The following BLNK variants were observed in gnomAD, a reference collection of about 807,000 sequenced individuals.
BLNK encodes the protein B-cell linker protein.
Under a neutral mutation model 73.5 loss-of-function variants are expected in BLNK, and 29 were observed. That is an observed-to-expected ratio of 0.39 (90% CI 0.29 to 0.54). The LOEUF (loss-of-function observed/expected upper bound fraction) is 0.54, where lower values mean the gene tolerates loss of function less well. Among genes scored for constraint, BLNK ranks in the 20% least tolerant of loss-of-function variants. The probability of loss-of-function intolerance (pLI) is 0.61; values close to 1 mark genes in which losing one functional copy is unlikely to be tolerated. For synonymous variants in BLNK, 176 were observed against 200.8 expected (o/e 0.88, Z 1.04); for missense variants, 460 against 562.8 (o/e 0.82, Z 1.85).
Position 96,242,761 on chromosome 10 carries a change from C to G in BLNK, c.137G>C (p.Ser46Thr). Reference sequence around the variant, plus strand: ...TGAAGCGTAGTCCCTTCGAGGAACACTTGGAGGTGCTTTGACTTTTAGCCT... The same window carrying G: ...TGAAGCGTAGTCCCTTCGAGGAACAGTTGGAGGTGCTTTGACTTTTAGCCT... The part of the protein sequence containing the change: ...IKKLKVKAPP[S>T]VPRRDYASES... Residue 46 changes from serine to threonine, a missense_variant, in exon 3 of 17, where the codon AGT becomes ACT. This residue lies in a region of BLNK where 139 missense variants were observed against 187.3 expected (regional missense o/e 0.74). Coordinates refer to ENST00000224337, the MANE Select transcript of BLNK (RefSeq NM_013314.4). The G allele has an allele frequency of 6.2e-7, 1 of 1,614,106 alleles. No homozygotes were observed. The highest frequency in any genetic ancestry group is 8.5e-7 in the Non-Finnish European group (1 of 1,179,970).
intron 1 of BLNK, among the ~76,000 whole-genome samples, chr10:96,247,776 C>T (rs372617302): frequency 6.6e-6 from 1 of 152,094 alleles, no homozygotes; most frequent in Non-Finnish European, 1.5e-5. Context: ...TAACTTTGTA[C>T]CTTAACTTCA....
At chr10:96,222,623 G>C (rs2084224197) in intron 6 of BLNK, among the ~76,000 whole-genome samples, 1 of 152,206 alleles carries the variant, frequency 6.6e-6, no homozygotes, top group African/African-American at 2.4e-5. Context: ...CTGGACACCT[G>C]CTGGGGCAGG....
intron 11 of BLNK, among the ~76,000 whole-genome samples, chr10:96,205,691 A>G (rs1336556738): frequency 6.6e-6 from 1 of 152,202 alleles, no homozygotes; most frequent in Non-Finnish European, 1.5e-5. Flanking sequence ...AGGCTAGTAG[A>G]GGCCACTCAC....
At position 96,190,742 on chromosome 10, in the gene BLNK, C is replaced by T. The variant is rs1328684027; in HGVS notation, c.*1231G>A. On this transcript the variant is annotated 3_prime_UTR_variant, in exon 17 of 17. Transcript: ENST00000224337. Reference sequence around the variant, plus strand: ...AGCTGCTTTATCACTTCACTGCTGTCTGAAGTACACAGTAGAAATATATGA... The same window carrying T: ...AGCTGCTTTATCACTTCACTGCTGTTTGAAGTACACAGTAGAAATATATGA... Among the ~76,000 whole-genome samples, 1 of 152,148 alleles carries T rather than the reference C, an allele frequency of 6.6e-6. No individual in the cohort carries two copies. Among genetic ancestry groups the T allele is most frequent in the African/African-American group, 2.4e-5 (1 of 41,444 alleles).
chr10:96,227,513 C>T lies in BLNK; in HGVS notation c.258G>A (p.Met86Ile), dbSNP rs1554902813. ...TGTCATCAGCGTTCTCCTCGGCGGG[C>T]ATCACGTACATCTCTGAGTCCGAGT... The part of the protein sequence containing the change: ...DEHSDSEMYV[M>I]PAEENADDSY... Residue 86 changes from methionine to isoleucine, a missense_variant, in exon 5 of 17, where the codon ATG (methionine) becomes ATA (isoleucine). Transcript: ENST00000224337. 1.2e-6 allele frequency: 2 copies of T among 1,614,232 alleles called. No homozygotes were observed. Among genetic ancestry groups the T allele is most frequent in the East Asian group, 2.2e-5 (1 of 44,892 alleles).
chr10:96,213,818 G>C (rs1350810422), intron 8 of BLNK, among the ~76,000 whole-genome samples: 1 of 152,140 alleles, frequency 6.6e-6, no homozygotes, highest in Admixed American at 6.5e-5. Flanking sequence ...ATTTCTGCTG[G>C]GGCCTAAGCA....
chr10:96,236,723 G>T (rs1483617982), intron 3 of BLNK, among the ~76,000 whole-genome samples: 1 of 152,182 alleles, frequency 6.6e-6, no homozygotes, highest in African/African-American at 2.4e-5. Flanking sequence ...CTACTCAGGA[G>T]GCTGAAGCAG....
intron 3 of BLNK, among the ~76,000 whole-genome samples, chr10:96,232,325 T>C (rs10882750): frequency 0.76 from 109,281 of 144,502 alleles, 41,676 homozygotes; most frequent in Non-Finnish European, 0.86. Flanking sequence ...CCCCGCTGAG[T>C]AGCCACTGCC....
intron 8 of BLNK, among the ~76,000 whole-genome samples, chr10:96,214,138 A>ATG (rs145503971): frequency 1.3e-4 from 20 of 151,694 alleles, no homozygotes; most frequent in East Asian, 1.9e-4. Context: ...GTGTGTATGA[A>ATG]TGTGTGTGTG....
chr10:96,266,800 G>T (rs1844026157), intron 1 of BLNK, among the ~76,000 whole-genome samples: 1 of 152,224 alleles, frequency 6.6e-6, no homozygotes, highest in Non-Finnish European at 1.5e-5. Flanking sequence ...CAAATATGAA[G>T]AGCAAGAGAG....
At chr10:96,233,373 G>T (rs1369889385) in intron 3 of BLNK, among the ~76,000 whole-genome samples, 20 of 152,004 alleles carry the variant, frequency 1.3e-4, no homozygotes, top group Non-Finnish European at 2.6e-4. Context: ...CCATCCTACC[G>T]TTTGTAGTTA....
At chr10:96,237,192 C>A (rs1335540577) in intron 3 of BLNK, among the ~76,000 whole-genome samples, 1 of 152,176 alleles carries the variant, frequency 6.6e-6, no homozygotes, top group African/African-American at 2.4e-5. Flanking sequence ...GACAGAAAAC[C>A]AGGTAAATGC....
chr10:96,204,696 A>C, intron 11 of BLNK, 80 bp from the exon 12 acceptor site: 1 of 1,353,018 alleles, frequency 7.4e-7, no homozygotes, highest in Non-Finnish European at 1.1e-6. Flanking sequence ...TCAGCTGAGA[A>C]GAACCAAATT....
chr10:96,255,657 G>T (rs10882763), intron 1 of BLNK, among the ~76,000 whole-genome samples: 65,011 of 151,978 alleles, frequency 0.43, 14,333 homozygotes, highest in East Asian at 0.66. Flanking sequence ...TTCATCCCCC[G>T]CATCTTAACC....
intron 12 of BLNK, 44 bp from the exon 13 acceptor site, chr10:96,204,132 T>A: frequency 6.2e-7 from 1 of 1,608,266 alleles, no homozygotes; most frequent in Non-Finnish European, 8.5e-7. Flanking sequence ...AAGCACAATA[T>A]GAGTAAGTTT....
In BLNK at chr10:96,261,394, C is replaced by G. The variant is rs1554912776; in HGVS notation, c.47+9958G>C. On this transcript the variant is annotated intron_variant, in intron 1 of 16. Coordinates refer to ENST00000224337, the MANE Select transcript of BLNK (RefSeq NM_013314.4). ...CATCACCCCTAAATAAAACCCCAGA[C>G]CCATGAAGCAGTCATTGGCAATTTT... is the stretch of plus-strand genomic sequence containing the variant. 5.3e-5 allele frequency among the ~76,000 whole-genome samples: 8 copies of G among 152,260 alleles called. 1 individual carries two copies. The South Asian group carries it at 1.7e-3, about 32-fold the overall frequency.
At chr10:96,239,525 G>A (rs1449711689) in intron 3 of BLNK, among the ~76,000 whole-genome samples, 1 of 152,210 alleles carries the variant, frequency 6.6e-6, no homozygotes, top group African/African-American at 2.4e-5. Flanking sequence ...TCTGGTGGAA[G>A]TTGAGAGGAC....
rs782141010 is a variant in BLNK, at chr10:96,271,477, A to G, written c.-79T>C. 1 of 1,463,216 alleles carries G rather than the reference A, an allele frequency of 6.8e-7. No individual in the cohort carries two copies. The allele number at this position is 1,463,216 out of a possible 1,614,324, so 90.6% of individuals were successfully genotyped here. A position where few individuals can be genotyped will look rare whatever the true frequency, so the allele number is the denominator to read the frequency against. The stretch of plus-strand genomic sequence containing the variant: ...GTTCCTGGCCCTCCTAGGGAGCAGC[A>G]TGGTAAGCCTCTGGTCTCAAGGGTT... On this transcript the variant is annotated 5_prime_UTR_variant, in exon 1 of 17. It removes an upstream start codon present in the reference 5' UTR. Transcript: ENST00000224337.
In BLNK at chr10:96,218,957, A is replaced by G. The variant is rs1189697895; in HGVS notation, c.526-2223T>C. ...GAGATGAGGCTTTGGAATCATACAG[A>G]CCTGGGAGGAAATCTGTGCTTGGGT... On this transcript the variant is annotated intron_variant, in intron 6 of 16. Transcript: ENST00000224337. Among the ~76,000 whole-genome samples, 10 of 152,176 alleles carry G rather than the reference A, an allele frequency of 6.6e-5. No individual in the cohort carries two copies. The East Asian group carries it at 1.9e-3, about 29-fold the overall frequency.
Sources: gnomAD v4.1 joint callset for allele counts (sites outside exome capture counted in the v4.1 genomes callset) on GRCh38, gnomAD v4.1.1 for gene constraint, gnomAD v4.1.1 regional missense constraint, MANE v1.5 for transcripts, NCBI Gene and HGNC (gene_info 2026-07-23, HGNC 2026-07-21) for gene names.